PLEC: variants seen among roughly 807,000 people sequenced by gnomAD.
PLEC encodes the protein hemidesmosomal protein 1.
PLEC carries 216 observed loss-of-function variants against 392.8 expected under a neutral mutation model. The observed-to-expected ratio is 0.55, with a 90% confidence interval of 0.49 to 0.62. The LOEUF (loss-of-function observed/expected upper bound fraction) is 0.62, where lower values mean the gene tolerates loss of function less well. Ranked by LOEUF, PLEC falls within the 20% of genes least tolerant of loss-of-function variation. The pLI, the probability that PLEC is intolerant of heterozygous loss-of-function variation, is 0.00. For missense variants in PLEC, 6,863 were observed against 6,563.4 expected (o/e 1.05, Z -1.58); for synonymous variants, 3,621 against 2,980.6 (o/e 1.21, Z -7.00).
At chr8:143,950,165 G>A in intron 1 of PLEC, 2 of 1,487,338 alleles carry the variant, frequency 1.3e-6, no homozygotes, top group South Asian at 1.3e-5. Context: ...TCATGACTTG[G>A]GGTCAGGGTG....
chr8:143,952,055 G>A (rs1354171949), upstream of PLEC, among the ~76,000 whole-genome samples: 3 of 152,234 alleles, frequency 2.0e-5, no homozygotes, highest in Non-Finnish European at 4.4e-5. Context: ...GGGCGGTGGG[G>A]GGGAGTGGGA....
chr8:143,940,920 T>A (rs1418897356), upstream of PLEC, among the ~76,000 whole-genome samples: 1 of 152,246 alleles, frequency 6.6e-6, no homozygotes, highest in South Asian at 2.1e-4. Context: ...GAGCCTGGCA[T>A]GAGATTCAGG....
chr8:143,931,580 C>A lies in PLEC; in HGVS notation c.2258G>T (p.Arg753Leu), dbSNP rs782343456. ...EALRRKYSCD[R>L]SATVTRLEDL... ...CTCCAGCCGGGTGACGGTGGCGGAG[C>A]GATCACAACTGTATTTCCTACGCAG... is the stretch of plus-strand genomic sequence containing the variant. The change falls in exon 19 of 32, where the codon CGC becomes CTC. Residue 753 changes from arginine to leucine, a missense_variant. Arg to Leu is a moderately radical substitution (Grantham distance 102). Transcript: ENST00000345136. 1 of 1,597,906 alleles carries A rather than the reference C, an allele frequency of 6.3e-7. No individual in the cohort carries two copies. Among genetic ancestry groups the A allele is most frequent in the Non-Finnish European group, 8.5e-7 (1 of 1,172,622 alleles).
rs201141391 is a variant in PLEC, at chr8:143,932,568, G to C, written c.1816-7C>G. ...GGCGGGCCTTGGAGGAGTTCTGTGGGCAGGAGGGTGCGTGTCAGCAGGCCG... is the reference window on the plus strand; with the variant it reads ...GGCGGGCCTTGGAGGAGTTCTGTGGCCAGGAGGGTGCGTGTCAGCAGGCCG... On this transcript the variant is annotated splice_polypyrimidine_tract_variant and splice_region_variant and intron_variant, in intron 15 of 31. Transcript: ENST00000345136. The C allele has an allele frequency of 6.8e-5, 110 of 1,612,444 alleles. 1 individual carries two copies. In the Admixed American group the frequency reaches 1.7e-3, roughly 25 times the overall value.
Position 143,916,535 on chromosome 8 carries a change from C to A in PLEC, c.13286G>T (p.Gly4429Val). The A allele has an allele frequency of 6.2e-7, 1 of 1,611,810 alleles. No homozygotes were observed. The highest frequency in any genetic ancestry group is 8.5e-7 in the Non-Finnish European group (1 of 1,179,496). Residue 4429 changes from glycine to valine, a missense_variant, in exon 32 of 32, where the codon GGC becomes GTC. Physicochemically the swap from Gly to Val is moderately radical, Grantham distance 109 (BLOSUM62 -3). Transcript: ENST00000345136. ...ARTAQKLRDV[G>V]AYSKYLTCPK... ...GCAGGTGAGGTACTTGGAGTAGGCG[C>A]CCACGTCACGCAGCTTCTGTGCGGT... is the stretch of plus-strand genomic sequence containing the variant.
chr8:143,927,725 G>A lies in PLEC; in HGVS notation c.3441C>T (p.Asp1147=), dbSNP rs782126492. The change falls in exon 27 of 32, where the codon GAC becomes GAT. Residue 1147 remains aspartate (D), a synonymous_variant. Transcript: ENST00000345136. ...CCCCCCGCAGCTCATCCCGCAGGGC[G>A]TCGAACGTGGGCTGCTGTGCCTCGG... The part of the protein sequence containing the change: ...AQAEAQQPTF[D]ALRDELRGAQ... 4.5e-5 allele frequency: 71 copies of A among 1,593,620 alleles called. No homozygotes were observed. The Admixed American group carries it at 5.0e-4, about 11-fold the overall frequency.
intron 1 of PLEC, among the ~76,000 whole-genome samples, chr8:143,960,542 G>C (rs558944894): frequency 4.6e-4 from 70 of 152,074 alleles, no homozygotes; most frequent in Non-Finnish European, 8.7e-4. Flanking sequence ...CCTCTAACCC[G>C]GGAGGCGGAG....
In PLEC at chr8:143,925,295, G is replaced by A. The variant is rs977607620; in HGVS notation, c.4634C>T (p.Ala1545Val). ...LQALEELRLQAEEAERRLRQA... is the reference protein window; with the variant it reads ...LQALEELRLQVEEAERRLRQA... ...CCGCAGGCGCCGCTCCGCCTCCTCC[G>A]CCTGCAGCCGCAGCTCCTCCAGGGC... The change falls in exon 31 of 32, where the codon GCG becomes GTG. Residue 1545 changes from alanine to valine, a missense_variant. Ala to Val is a moderately conservative substitution (Grantham distance 64). Coordinates refer to ENST00000345136, the MANE Select transcript of PLEC (RefSeq NM_201384.3). The A allele has an allele frequency of 7.0e-6, 11 of 1,571,798 alleles. No individual in the cohort carries two copies. The highest frequency in any genetic ancestry group is 9.4e-6 in the Non-Finnish European group (11 of 1,167,746).
Position 143,935,229 on chromosome 8 carries a change from G to A in PLEC, c.687C>T (p.Asp229=), listed in dbSNP as rs782458223. Residue 229 remains aspartate (D), a synonymous_variant, in exon 7 of 32, where the codon GAC becomes GAT. Transcript: ENST00000345136. ...LDQAFSVAER[D]LGVTRLLDPE... ...GGTCCAGGAGCCGCGTCACTCCCAG[G>A]TCCCGCTCCGCCACAGAGAAGGCCT... is the stretch of plus-strand genomic sequence containing the variant. 5 of 1,612,458 alleles carry A rather than the reference G, an allele frequency of 3.1e-6. No individual in the cohort carries two copies. The Admixed American group carries it at 8.3e-5, about 27-fold the overall frequency.
At chr8:143,946,527 TAGTC>T (rs1380382438) in intron 1 of PLEC, 2 of 541,300 alleles carry the variant, frequency 3.7e-6, no homozygotes, top group South Asian at 1.8e-5. Context: ...AGCCACCCCT[TAGTC>T]AGTAAGCAGA....
chr8:143,944,085 C>G, upstream of PLEC: 1 of 748,366 alleles, frequency 1.3e-6, no homozygotes, highest in Non-Finnish European at 2.1e-6. Flanking sequence ...CTCCTCCCTC[C>G]GCGGGTCCGG....
intron 1 of PLEC, among the ~76,000 whole-genome samples, chr8:143,966,504 A>G (rs915456614): frequency 5.9e-5 from 9 of 152,172 alleles, no homozygotes; most frequent in Non-Finnish European, 1.2e-4. Context: ...CTACCTCCAC[A>G]GCCACCACGG....
upstream of PLEC, chr8:143,975,083 C>T: frequency 2.1e-6 from 3 of 1,397,532 alleles, no homozygotes; most frequent in East Asian, 2.3e-5. This position sits in a 1 kb window ranked among gnomAD's most constrained non-coding sequence, Gnocchi z 9.9. Flanking sequence ...TAGGCCTCCC[C>T]CACCCAGTCC....
At chr8:143,926,912 G>C (rs377310139) in intron 29 of PLEC, 30 bp from the exon 30 acceptor site, 16 of 1,607,206 alleles carry the variant, frequency 1.0e-5, no homozygotes, top group Non-Finnish European at 1.4e-5. Flanking sequence ...TTAGCCCTGC[G>C]AGAGCTGCAG....
In PLEC at chr8:143,920,094, C is replaced by T. The variant is rs377156107; in HGVS notation, c.9727G>A (p.Val3243Met). ...TFEKTPVEVP[V>M]GGFKGRTVTV... ...ACCGTCCTGCCCTTGAAGCCACCCACGGGGACCTCAACCGGGGTCTTTTCA... is the reference window on the plus strand; with the variant it reads ...ACCGTCCTGCCCTTGAAGCCACCCATGGGGACCTCAACCGGGGTCTTTTCA... The change falls in exon 32 of 32, where the codon GTG (valine) becomes ATG (methionine). Residue 3243 changes from valine to methionine, a missense_variant. Coordinates refer to ENST00000345136, the MANE Select transcript of PLEC (RefSeq NM_201384.3). The T allele has an allele frequency of 2.1e-5, 34 of 1,613,056 alleles. No homozygotes were observed. The African/African-American group carries it at 2.4e-4, about 11-fold the overall frequency.
Position 143,919,753 on chromosome 8 carries a change from G to C in PLEC, c.10068C>G (p.Cys3356Trp), listed in dbSNP as rs782667756. ...SVRTLLQGSG[C>W]LAGIYLEDTK... The stretch of plus-strand genomic sequence containing the variant: ...TGTCCTCCAGGTAGATGCCGGCGAG[G>C]CAGCCACTGCCCTGCAGCAGCGTCC... Residue 3356 changes from cysteine to tryptophan, a missense_variant, in exon 32 of 32, where the codon TGC becomes TGG. Transcript: ENST00000345136. 14 of 1,609,204 alleles carry C rather than the reference G, an allele frequency of 8.7e-6. No homozygotes were observed. Among genetic ancestry groups the C allele is most frequent in the Non-Finnish European group, 1.2e-5 (14 of 1,177,490 alleles).
Position 143,917,191 on chromosome 8 carries a change from G to A in PLEC, c.12630C>T (p.Ala4210=), listed in dbSNP as rs1554671366. The change falls in exon 32 of 32, where the codon GCC becomes GCT. Residue 4210 remains alanine (A), a synonymous_variant. Transcript: ENST00000345136. ...GRQYDIDDAI[A]KNLIDRSALD... is the part of the protein sequence containing the mutation. Reference sequence around the variant, plus strand: ...GTGCCGAGCGGTCGATGAGGTTCTTGGCGATGGCATCATCGATGTCGTACT... The same window carrying A: ...GTGCCGAGCGGTCGATGAGGTTCTTAGCGATGGCATCATCGATGTCGTACT... 6.2e-7 allele frequency: 1 copy of A among 1,612,844 alleles called. No individual in the cohort carries two copies. The highest frequency in any genetic ancestry group is 8.5e-7 in the Non-Finnish European group (1 of 1,179,576).
Position 143,920,179 on chromosome 8 carries a change from T to C in PLEC, c.9642A>G (p.Glu3214=), listed in dbSNP as rs576873129. ...LTGLSLLPLS[E]KAARARQEEL... Reference sequence around the variant, plus strand: ...CCTCCTGCCGGGCCCGAGCAGCCTTTTCTGAGAGCGGCAGCAGGCTCAGCC... The same window carrying C: ...CCTCCTGCCGGGCCCGAGCAGCCTTCTCTGAGAGCGGCAGCAGGCTCAGCC... The change falls in exon 32 of 32, where the codon GAA becomes GAG. Residue 3214 remains glutamate, a synonymous_variant. Transcript: ENST00000345136. 9.5e-5 allele frequency: 153 copies of C among 1,612,066 alleles called. No individual in the cohort carries two copies. The highest frequency in any genetic ancestry group is 1.2e-4 in the Non-Finnish European group (136 of 1,179,934).
Position 143,918,399 on chromosome 8 carries a change from C to T in PLEC, c.11422G>A (p.Gly3808Ser). Residue 3808 changes from glycine to serine, a missense_variant, in exon 32 of 32, where the codon GGC becomes AGC. Physicochemically the swap from Gly to Ser is moderately conservative, Grantham distance 56 (BLOSUM62 0). Coordinates refer to ENST00000345136, the MANE Select transcript of PLEC (RefSeq NM_201384.3). Reference sequence around the variant, plus strand: ...AAGCCCAGGCGGGGGTCCACGATGCCGCCGGTGGCCAGCTGGGCATCCAGC... The same window carrying T: ...AAGCCCAGGCGGGGGTCCACGATGCTGCCGGTGGCCAGCTGGGCATCCAGC... ...RLLDAQLATGGIVDPRLGFHL... is the reference protein window; with the variant it reads ...RLLDAQLATGSIVDPRLGFHL... 3 of 1,566,634 alleles carry T rather than the reference C, an allele frequency of 1.9e-6. No homozygotes were observed. Among genetic ancestry groups the T allele is most frequent in the Non-Finnish European group, 2.6e-6 (3 of 1,161,058 alleles).
Sources: gnomAD v4.1 joint callset for allele counts (sites outside exome capture counted in the v4.1 genomes callset) on GRCh38, gnomAD v4.1.1 for gene constraint, Gnocchi (gnomAD v3.1) non-coding constraint, MANE v1.5 for transcripts, NCBI Gene and HGNC (gene_info 2026-07-23, HGNC 2026-07-21) for gene names.